KIRREL3: variants seen among roughly 807,000 people sequenced by gnomAD.
KIRREL3 encodes kirre like nephrin family adhesion molecule 3, also known as kin of IRRE-like protein 3.
A neutral mutation model predicts 89.7 loss-of-function variants in KIRREL3; 36 were observed. The ratio of observed to expected loss-of-function variants is 0.40; its 90% confidence interval spans 0.31 to 0.53. The LOEUF (loss-of-function observed/expected upper bound fraction) is 0.53, where lower values mean the gene tolerates loss of function less well. KIRREL3 is among the 20% of genes least tolerant of loss of function. KIRREL3 has a pLI of 0.49. For missense variants in KIRREL3, 864 were observed against 1,056.6 expected (o/e 0.82, Z 2.53); for synonymous variants, 445 against 441.4 (o/e 1.01, Z -0.10).
intron 1 of KIRREL3, among the ~76,000 whole-genome samples, chr11:126,746,242 C>T (rs1173547511): frequency 2.0e-5 from 3 of 152,204 alleles, no homozygotes; most frequent in Non-Finnish European, 4.4e-5. Context: ...GGGATATGAA[C>T]ATGAATGATG....
intron 5 of KIRREL3, among the ~76,000 whole-genome samples, chr11:126,473,032 T>TCCCAACCAGCCCCCCCACCATCCCCCTCG (rs1352929630): frequency 6.1e-5 from 3 of 49,298 alleles, no homozygotes; most frequent in Non-Finnish European, 7.1e-5. Flanking sequence ...TATCCTCCCC[T>TCCCAACCAGCCCCCCCACCATCCCCCTCG]CTACCTAACC....
chr11:126,735,265 G>C (rs1948763615), intron 1 of KIRREL3, among the ~76,000 whole-genome samples: 1 of 152,178 alleles, frequency 6.6e-6, no homozygotes, highest in South Asian at 2.1e-4. Flanking sequence ...AACATTAGCT[G>C]GGTCTGAACG....
intron 3 of KIRREL3, among the ~76,000 whole-genome samples, chr11:126,524,858 C>T (rs561897237): frequency 4.1e-4 from 62 of 152,212 alleles, no homozygotes; most frequent in African/African-American, 6.3e-4. Flanking sequence ...ATCAGGCAAG[C>T]GAGCAGAGTT....
In KIRREL3 at chr11:126,521,508, G is replaced by C. The variant is rs773318389; in HGVS notation, c.284-44C>G. On this transcript the variant is annotated intron_variant, in intron 3 of 16. Coordinates refer to ENST00000525144, the MANE Select transcript of KIRREL3 (RefSeq NM_032531.4). The surrounding 1 kb of genome is among the most constrained non-coding windows in gnomAD (Gnocchi z 4.1). ...GGTCAGGGAGCTGGGGTGGGGTGGAGGGGACACCCATGACAAAGAGGCACA... is the reference window on the plus strand; with the variant it reads ...GGTCAGGGAGCTGGGGTGGGGTGGACGGGACACCCATGACAAAGAGGCACA... The C allele has an allele frequency of 2.8e-5, 43 of 1,537,574 alleles. No homozygotes were observed. Among genetic ancestry groups the C allele is most frequent in the Non-Finnish European group, 3.8e-5 (43 of 1,137,366 alleles).
rs1944541640 is a variant in KIRREL3, at chr11:126,643,256, C to A, written c.56-80344G>T. ...AAAGAAGATAATGCATATTAAAGTT[C>A]TTGGTACATAGCAGATGCTCAATAA... On this transcript the variant is annotated intron_variant, in intron 1 of 16. Transcript: ENST00000525144. The surrounding 1 kb of genome is among the most constrained non-coding windows in gnomAD (Gnocchi z 4.5). Among the ~76,000 whole-genome samples the A allele has an allele frequency of 6.6e-6, 1 of 152,148 alleles. No individual in the cohort carries two copies. Among genetic ancestry groups the A allele is most frequent in the African/African-American group, 2.4e-5 (1 of 41,418 alleles).
chr11:126,963,049 C>A (rs181714862), intron 1 of KIRREL3, among the ~76,000 whole-genome samples: 1 of 152,072 alleles, frequency 6.6e-6, no homozygotes, highest in East Asian at 1.9e-4. Flanking sequence ...AAAAATTGTG[C>A]GATTTCCTTT....
In KIRREL3 at chr11:126,606,012, G is replaced by A. The variant is rs1942875162; in HGVS notation, c.56-43100C>T. ...GTCCAGAGGGACGCAGGCCATCTTG[G>A]GAAGGAATCCCAGTTGACCACTCAT... On this transcript the variant is annotated intron_variant, in intron 1 of 16. Coordinates refer to ENST00000525144, the MANE Select transcript of KIRREL3 (RefSeq NM_032531.4). This position sits in a 1 kb window ranked among gnomAD's most constrained non-coding sequence, Gnocchi z 4.6. Among the ~76,000 whole-genome samples the A allele has an allele frequency of 6.6e-6, 1 of 152,130 alleles. No homozygotes were observed. Among genetic ancestry groups the A allele is most frequent in the African/African-American group, 2.4e-5 (1 of 41,410 alleles).
Position 126,761,319 on chromosome 11 carries a change from G to A in KIRREL3, c.56-198407C>T, listed in dbSNP as rs1488518616. ...CAAACCTCCCTGGGGGCTCACCAGA[G>A]GGGACTGTGATGAGTTGGCTTCTCA... is the stretch of plus-strand genomic sequence containing the variant. On this transcript the variant is annotated intron_variant, in intron 1 of 16. Coordinates refer to ENST00000525144, the MANE Select transcript of KIRREL3 (RefSeq NM_032531.4). The surrounding 1 kb of genome is among the most constrained non-coding windows in gnomAD (Gnocchi z 4.4). 6.6e-6 allele frequency among the ~76,000 whole-genome samples: 1 copy of A among 151,574 alleles called. No individual in the cohort carries two copies. The highest frequency in any genetic ancestry group is 1.5e-5 in the Non-Finnish European group (1 of 67,850).
At position 126,490,968 on chromosome 11, in the gene KIRREL3, G is replaced by T. The variant is rs1006973017; in HGVS notation, c.434-17502C>A. Among the ~76,000 whole-genome samples, 1 of 152,346 alleles carries T rather than the reference G, an allele frequency of 6.6e-6. No homozygotes were observed. Among genetic ancestry groups the T allele is most frequent in the East Asian group, 1.9e-4 (1 of 5,182 alleles). On this transcript the variant is annotated intron_variant, in intron 4 of 16. Transcript: ENST00000525144. The surrounding 1 kb of genome is among the most constrained non-coding windows in gnomAD (Gnocchi z 4.2). ...CACAGCCCACCTGCACGAGGAGGGG[G>T]CGTTTGGAGGGTGGAGGAGAGCCTG...
At chr11:126,831,435 T>TCCTCTCTCTCTCTCTC (rs1943604007) in intron 1 of KIRREL3, among the ~76,000 whole-genome samples, 1 of 149,914 alleles carries the variant, frequency 6.7e-6, no homozygotes, top group African/African-American at 2.5e-5. Context: ...CTCTCTCTCT[T>TCCTCTCTCTCTCTCTC]TCTCTCTCTC....
rs971601248 is a variant in KIRREL3, at chr11:127,000,752, C to A, written c.-243G>T. On this transcript the variant is annotated 5_prime_UTR_variant, in exon 1 of 17. Transcript: ENST00000525144. This position sits in a 1 kb window ranked among gnomAD's most constrained non-coding sequence, Gnocchi z 7.1. ...CGGGATTGTCAGCAATGTCCCCACTCGGAGAAGATCCATTCTCTGGCTCTT... is the reference window on the plus strand; with the variant it reads ...CGGGATTGTCAGCAATGTCCCCACTAGGAGAAGATCCATTCTCTGGCTCTT... 9 of 518,488 alleles carry A rather than the reference C, an allele frequency of 1.7e-5. No homozygotes were observed. The highest frequency in any genetic ancestry group is 9.6e-5 in the South Asian group (3 of 31,254). 32.1% of individuals were successfully genotyped at this position (518,488 alleles called of 1,614,324 possible). A position where few individuals can be genotyped will look rare whatever the true frequency, so the allele number is the denominator to read the frequency against.
intron 1 of KIRREL3, among the ~76,000 whole-genome samples, chr11:126,586,615 A>G (rs1301066256): frequency 6.6e-6 from 1 of 152,158 alleles, no homozygotes; most frequent in Non-Finnish European, 1.5e-5. Context: ...TATACATAGC[A>G]GAAGTCAGAG....
rs561700940 is a variant in KIRREL3 at position 126,609,432 on chromosome 11, C to G, written c.56-46520G>C. On this transcript the variant is annotated intron_variant, in intron 1 of 16. Coordinates refer to ENST00000525144, the MANE Select transcript of KIRREL3 (RefSeq NM_032531.4). This position sits in a 1 kb window ranked among gnomAD's most constrained non-coding sequence, Gnocchi z 5.0. ...TAAGCAACCAGAGTTATTCCTGCCT[C>G]GGGACATGTATGAGGACGGTCTCCT... Among the ~76,000 whole-genome samples, 1 of 152,134 alleles carries G rather than the reference C, an allele frequency of 6.6e-6. No individual in the cohort carries two copies. Among genetic ancestry groups the G allele is most frequent in the Non-Finnish European group, 1.5e-5 (1 of 68,026 alleles).
rs569462252 is a variant in KIRREL3 at position 126,734,915 on chromosome 11, C to A, written c.56-172003G>T. On this transcript the variant is annotated intron_variant, in intron 1 of 16. Transcript: ENST00000525144. This position sits in a 1 kb window ranked among gnomAD's most constrained non-coding sequence, Gnocchi z 5.9. ...GGCAGGATGGGGTTTGTGGTTGGAA[C>A]GGTGCTGTCTTCTGGTCCAGCTGTG... Among the ~76,000 whole-genome samples, 1 of 152,090 alleles carries A rather than the reference C, an allele frequency of 6.6e-6. No individual in the cohort carries two copies. The highest frequency in any genetic ancestry group is 1.5e-5 in the Non-Finnish European group (1 of 68,030).
intron 1 of KIRREL3, among the ~76,000 whole-genome samples, chr11:126,833,133 A>G (rs1943666208): frequency 6.6e-6 from 1 of 152,166 alleles, no homozygotes; most frequent in Non-Finnish European, 1.5e-5. Flanking sequence ...CAACTATTTC[A>G]AACAGAAGTG....
intron 4 of KIRREL3, among the ~76,000 whole-genome samples, chr11:126,502,058 C>T (rs1201270739): frequency 6.6e-6 from 1 of 152,158 alleles, no homozygotes; most frequent in East Asian, 1.9e-4. Context: ...TAAAACCCCC[C>T]AGAATCTTAA....
In KIRREL3 at chr11:126,523,753, A is replaced by G. The variant is rs1591675755; in HGVS notation, c.284-2289T>C. ...TCCTTGTAGCTGGCTGGCTACCCCCAGCCCCTCCAGCCCAGCCTCTGGATC... is the reference window on the plus strand; with the variant it reads ...TCCTTGTAGCTGGCTGGCTACCCCCGGCCCCTCCAGCCCAGCCTCTGGATC... On this transcript the variant is annotated intron_variant, in intron 3 of 16. Coordinates refer to ENST00000525144, the MANE Select transcript of KIRREL3 (RefSeq NM_032531.4). This position sits in a 1 kb window ranked among gnomAD's most constrained non-coding sequence, Gnocchi z 4.9. Among the ~76,000 whole-genome samples the G allele has an allele frequency of 6.6e-6, 1 of 152,008 alleles. No individual in the cohort carries two copies. Among genetic ancestry groups the G allele is most frequent in the Admixed American group, 6.6e-5 (1 of 15,256 alleles).
Position 126,817,906 on chromosome 11 carries a change from G to A in KIRREL3, c.55+182549C>T, listed in dbSNP as rs943879619. Among the ~76,000 whole-genome samples, 22 of 152,298 alleles carry A rather than the reference G, an allele frequency of 1.4e-4. No individual in the cohort carries two copies. The highest frequency in any genetic ancestry group is 1.9e-4 in the East Asian group (1 of 5,174). ...GGGAAGCTCTAGATCTTGGCACCCC[G>A]TCCTCTTGGCTCTGGCTGAGCCACT... On this transcript the variant is annotated intron_variant, in intron 1 of 16. Transcript: ENST00000525144. The surrounding 1 kb of genome is among the most constrained non-coding windows in gnomAD (Gnocchi z 5.7).
At chr11:126,690,155 G>A (rs376101352) in intron 1 of KIRREL3, among the ~76,000 whole-genome samples, 1 of 152,144 alleles carries the variant, frequency 6.6e-6, no homozygotes, top group African/African-American at 2.4e-5. Flanking sequence ...ACCTCTCCTG[G>A]CTTTATCTGT....
Sources: gnomAD v4.1 joint callset for allele counts (sites outside exome capture counted in the v4.1 genomes callset) on GRCh38, gnomAD v4.1.1 for gene constraint, Gnocchi (gnomAD v3.1) non-coding constraint, MANE v1.5 for transcripts, NCBI Gene and HGNC (gene_info 2026-07-23, HGNC 2026-07-21) for gene names.